DENND1B: variants seen among roughly 807,000 people sequenced by gnomAD.
DENND1B encodes the protein DENN domain-containing protein 1B.
In DENND1B, 59 loss-of-function variants were observed where a neutral mutation model predicts 90.1. The ratio of observed to expected loss-of-function variants is 0.65; its 90% CI spans 0.53 to 0.81. The LOEUF (loss-of-function observed/expected upper bound fraction) is 0.81, where lower values mean the gene tolerates loss of function less well. Among genes scored for constraint, DENND1B ranks in the 40% least tolerant of loss-of-function variants. DENND1B has a pLI of 0.00. For synonymous variants in DENND1B, 337 were observed against 324.6 expected, an observed-to-expected ratio of 1.04 and a Z score of -0.41; for missense variants, 862 against 912.6, an observed-to-expected ratio of 0.94 and a Z score of 0.71.
chr1:197,765,761 G>C (rs771590487), intron 2 of DENND1B, among the ~76,000 whole-genome samples: 46 of 152,176 alleles, frequency 3.0e-4, no homozygotes, highest in Admixed American at 9.8e-4. Flanking sequence ...CAAAAACCAA[G>C]AGGTCACCTT....
chr1:197,558,263 G>A (rs1671873366), intron 15 of DENND1B, among the ~76,000 whole-genome samples: 1 of 151,166 alleles, frequency 6.6e-6, no homozygotes, highest in Non-Finnish European at 1.5e-5. Context: ...TAACATAACT[G>A]GAAATCTTAC....
At position 197,583,157 on chromosome 1, in the gene DENND1B, T is replaced by A; in HGVS notation, c.1144A>T (p.Lys382Ter). 1 of 1,613,700 alleles carries A rather than the reference T, an allele frequency of 6.2e-7. No individual in the cohort carries two copies. The highest frequency in any genetic ancestry group is 1.3e-5 in the African/African-American group (1 of 75,016). The change falls in exon 15 of 23, where the codon AAG (lysine) becomes TAG (stop). Residue 382 changes from lysine (K) to a stop codon, truncating the protein, a stop_gained. Coordinates refer to ENST00000620048, the MANE Select transcript of DENND1B (RefSeq NM_001195215.2). LOFTEE classifies it high-confidence loss of function. ...LETAINLQLF[K>*]QFIDGRLAKL... ...ATGTGGAGGTCCACTCTTACCTGCT[T>A]AAAAAGCTGGAGGTTAATGGCAGTT...
At chr1:197,745,570 C>T (rs1280269253) in intron 2 of DENND1B, among the ~76,000 whole-genome samples, 1 of 149,028 alleles carries the variant, frequency 6.7e-6, no homozygotes, top group Non-Finnish European at 1.5e-5. Context: ...AAAACAATTA[C>T]AACAATAACA....
chr1:197,561,496 C>A (rs1672160387), intron 15 of DENND1B, among the ~76,000 whole-genome samples: 1 of 151,804 alleles, frequency 6.6e-6, no homozygotes, highest in Non-Finnish European at 1.5e-5. Flanking sequence ...TCTATTTATA[C>A]TTTTTCCTTT....
chr1:197,539,728 G>A (rs929115522), intron 20 of DENND1B, among the ~76,000 whole-genome samples: 2 of 152,014 alleles, frequency 1.3e-5, no homozygotes, highest in African/African-American at 4.8e-5. Context: ...TCCTTCACTG[G>A]ACTATGAGAT....
rs745913168 is a variant in DENND1B at position 197,642,750 on chromosome 1, A to G, written c.633T>C (p.His211=). 7.4e-6 allele frequency: 12 copies of G among 1,613,624 alleles called. No individual in the cohort carries two copies. The highest frequency in any genetic ancestry group is 1.0e-5 in the Non-Finnish European group (12 of 1,179,824). Residue 211 remains histidine, a synonymous_variant, in exon 10 of 23, where the codon CAT becomes CAC. Transcript: ENST00000620048. ...TCGAGATAATCACGATGCGCCTTTC[A>G]TGCAGCATACTGGCATACAGCTGCA... is the stretch of plus-strand genomic sequence containing the variant. ...NMLQLYASML[H]ERRIVIISSK...
rs373598675 is a variant in DENND1B, at chr1:197,505,881, A to T, written c.*4579T>A. On this transcript the variant is annotated 3_prime_UTR_variant, in exon 23 of 23. Coordinates refer to ENST00000620048, the MANE Select transcript of DENND1B (RefSeq NM_001195215.2). ...CTGTTAAATGTACACATGTAGAATC[A>T]GCAATTTGTACCGTATATATTTCTT... 2.0e-5 allele frequency: 3 copies of T among 150,608 alleles called. No homozygotes were observed. Among genetic ancestry groups the T allele is most frequent in the Non-Finnish European group, 4.5e-5 (3 of 67,296 alleles). 9.3% of individuals were successfully genotyped at this position (150,608 alleles called of 1,614,324 possible).
intron 4 of DENND1B, among the ~76,000 whole-genome samples, chr1:197,672,369 C>G (rs891945806): frequency 1.3e-5 from 2 of 151,922 alleles, no homozygotes; most frequent in African/African-American, 4.8e-5. Flanking sequence ...CTGAACAGTT[C>G]AGCATATATT....
chr1:197,650,118 T>C (rs1373780886), intron 7 of DENND1B, among the ~76,000 whole-genome samples: 1 of 152,130 alleles, frequency 6.6e-6, no homozygotes, highest in Non-Finnish European at 1.5e-5. Flanking sequence ...ACATCACTAA[T>C]GAATCAGGGA....
At chr1:197,634,102 A>G (rs1216976809) in intron 10 of DENND1B, among the ~76,000 whole-genome samples, 1 of 152,188 alleles carries the variant, frequency 6.6e-6, no homozygotes, top group Admixed American at 6.5e-5. Context: ...TGCCCTCTCC[A>G]TTGGAGTCTG....
At chr1:197,730,945 C>T (rs1444937988) in intron 2 of DENND1B, among the ~76,000 whole-genome samples, 1 of 152,018 alleles carries the variant, frequency 6.6e-6, no homozygotes, top group African/African-American at 2.4e-5. Context: ...AAAATACAAT[C>T]TCAGAATAGG....
chr1:197,715,848 T>C (rs1005739712), intron 2 of DENND1B, among the ~76,000 whole-genome samples: 2 of 151,906 alleles, frequency 1.3e-5, no homozygotes, highest in African/African-American at 2.4e-5. Context: ...TTTAGCCATA[T>C]ACTTATTGTT....
chr1:197,669,713 T>C (rs1283604759), intron 5 of DENND1B, among the ~76,000 whole-genome samples: 4 of 152,128 alleles, frequency 2.6e-5, no homozygotes, highest in Admixed American at 2.0e-4. Context: ...ATTTAAGATT[T>C]TCCTCTATGA....
chr1:197,510,563 T>C lies in DENND1B; in HGVS notation c.2225A>G (p.Asp742Gly). 6.2e-7 allele frequency: 1 copy of C among 1,612,718 alleles called. No homozygotes were observed. The highest frequency in any genetic ancestry group is 1.7e-5 in the Admixed American group (1 of 59,806). Residue 742 changes from aspartate to glycine, a missense_variant, in exon 23 of 23, where the codon GAT (aspartate) becomes GGT (glycine). Physicochemically the swap from Asp to Gly is moderately conservative, Grantham distance 94. Transcript: ENST00000620048. ...CACTACTTCATGGAGCAGTCCAATA[T>C]CTTCTGAAGTCTCTTTGGCTTCTTT... Reference protein sequence around the residue: ...EGKEAKETSEDIGLLHEVVSL... With the variant: ...EGKEAKETSEGIGLLHEVVSL...
At chr1:197,527,978 G>A (rs1051272130) in intron 20 of DENND1B, among the ~76,000 whole-genome samples, 1 of 151,988 alleles carries the variant, frequency 6.6e-6, no homozygotes, top group Non-Finnish European at 1.5e-5. Flanking sequence ...TACATCATCC[G>A]AACAAGAAAC....
In DENND1B at chr1:197,766,077, G is replaced by A. The variant is rs139935567; in HGVS notation, c.82+6791C>T. On this transcript the variant is annotated intron_variant, in intron 2 of 22. Coordinates refer to ENST00000620048, the MANE Select transcript of DENND1B (RefSeq NM_001195215.2). ...TTACATTTTGTTCCTGGCTAGCAGT[G>A]CAAAAGAAAAAACAGTTTCATTTTA... 6.0e-3 allele frequency among the ~76,000 whole-genome samples: 920 copies of A among 152,204 alleles called. 5 individuals carry two copies. The highest frequency in any genetic ancestry group is 0.021 in the African/African-American group (883 of 41,542).
At chr1:197,741,862 G>A (rs1056330099) in intron 2 of DENND1B, among the ~76,000 whole-genome samples, 1 of 152,090 alleles carries the variant, frequency 6.6e-6, no homozygotes, top group Non-Finnish European at 1.5e-5. Context: ...TTAGAGATTC[G>A]ATTTGCAGTC....
intron 10 of DENND1B, among the ~76,000 whole-genome samples, chr1:197,636,024 T>G (rs1679758836): frequency 6.6e-6 from 1 of 151,456 alleles, no homozygotes; most frequent in Non-Finnish European, 1.5e-5. Context: ...CTTTATTGTC[T>G]AAAGATCTGT....
chr1:197,519,369 A>C (rs1668615516), intron 20 of DENND1B, among the ~76,000 whole-genome samples: 1 of 151,968 alleles, frequency 6.6e-6, no homozygotes, highest in Non-Finnish European at 1.5e-5. Context: ...AGGATAAAGT[A>C]CTATACTAGT....
Sources: allele counts gnomAD v4.1 joint callset (sites outside exome capture counted in the v4.1 genomes callset), GRCh38; gene constraint gnomAD v4.1.1; transcripts MANE v1.5; gene names NCBI Gene and HGNC (gene_info 2026-07-23, HGNC 2026-07-21).